ZNF804A: variants seen among roughly 807,000 people sequenced by gnomAD.
ZNF804A encodes zinc finger protein 804A.
Under a neutral mutation model 16.5 loss-of-function variants are expected in ZNF804A, and 2 were observed. The ratio of observed to expected loss-of-function variants is 0.12; its 90% CI spans 0.05 to 0.38. ZNF804A has a LOEUF of 0.38. Ranked by LOEUF, ZNF804A falls within the 10% of genes least tolerant of loss-of-function variation. The pLI is 0.99. For missense variants in ZNF804A, 1,473 were observed against 1,390.7 expected, an observed-to-expected ratio of 1.06 and a Z score of -0.94; for synonymous variants, 534 against 489.6, an observed-to-expected ratio of 1.09 and a Z score of -1.20.
At chr2:184,777,400 G>A (rs1223467017) in intron 1 of ZNF804A, among the ~76,000 whole-genome samples, 1 of 151,676 alleles carries the variant, frequency 6.6e-6, no homozygotes, top group East Asian at 1.9e-4. Flanking sequence ...TTCCAGATTA[G>A]TGACTTTTTT....
intron 1 of ZNF804A, among the ~76,000 whole-genome samples, chr2:184,704,083 A>G (rs1282476895): frequency 6.6e-6 from 1 of 152,154 alleles, no homozygotes; most frequent in Admixed American, 6.5e-5. Context: ...ATTATACCTG[A>G]TAAGTGAATC....
At chr2:184,632,553 G>C (rs1356218294) in intron 1 of ZNF804A, among the ~76,000 whole-genome samples, 1 of 152,022 alleles carries the variant, frequency 6.6e-6, no homozygotes, top group Admixed American at 6.6e-5. Flanking sequence ...GTGCCACCAC[G>C]CCTGGCTAAT....
At chr2:184,811,252 T>C (rs1180767509) in intron 1 of ZNF804A, among the ~76,000 whole-genome samples, 1 of 152,220 alleles carries the variant, frequency 6.6e-6, no homozygotes, top group Non-Finnish European at 1.5e-5. Flanking sequence ...AAACACCAGC[T>C]GTAGTGCATA....
At chr2:184,681,937 G>A (rs1034256057) in intron 1 of ZNF804A, among the ~76,000 whole-genome samples, 21 of 152,166 alleles carry the variant, frequency 1.4e-4, no homozygotes, top group South Asian at 4.1e-4. Context: ...ATCCAATTTC[G>A]GAGCACATAT....
chr2:184,845,612 C>A (rs548394668), intron 1 of ZNF804A, among the ~76,000 whole-genome samples: 1 of 152,158 alleles, frequency 6.6e-6, no homozygotes, highest in African/African-American at 2.4e-5. Flanking sequence ...CTATGGAAAA[C>A]CTTTACCTCT....
intron 1 of ZNF804A, among the ~76,000 whole-genome samples, chr2:184,788,076 C>T (rs973539204): frequency 6.6e-6 from 1 of 151,952 alleles, no homozygotes; most frequent in Non-Finnish European, 1.5e-5. Flanking sequence ...ATTTTCCCAA[C>T]ACCATTTATT....
At chr2:184,652,250 C>T (rs1691998047) in intron 1 of ZNF804A, among the ~76,000 whole-genome samples, 1 of 151,854 alleles carries the variant, frequency 6.6e-6, no homozygotes, top group Admixed American at 6.6e-5. Context: ...TACTCATGAA[C>T]ATAAAGATGG....
chr2:184,703,709 A>AAGAAAG (rs1553529081), intron 1 of ZNF804A, among the ~76,000 whole-genome samples: 6 of 131,352 alleles, frequency 4.6e-5, no homozygotes, highest in Non-Finnish European at 1.0e-4. Context: ...AAAAAAAAAA[A>AAGAAAG]AAAGAAAGAA....
chr2:184,744,072 A>G (rs1693748690), intron 1 of ZNF804A, among the ~76,000 whole-genome samples: 2 of 151,966 alleles, frequency 1.3e-5, no homozygotes, highest in African/African-American at 4.8e-5. Context: ...CCACTTGTTA[A>G]TGGGCACAAA....
intron 1 of ZNF804A, among the ~76,000 whole-genome samples, chr2:184,852,319 C>A (rs566158346): frequency 6.6e-6 from 1 of 151,320 alleles, no homozygotes; most frequent in South Asian, 2.1e-4. Context: ...GGTTGACCAT[C>A]AGTAACTGAA....
At chr2:184,893,843 G>A (rs1436228078) in intron 2 of ZNF804A, among the ~76,000 whole-genome samples, 1 of 152,074 alleles carries the variant, frequency 6.6e-6, no homozygotes, top group African/African-American at 2.4e-5. Flanking sequence ...CTTAGATATA[G>A]TTTCACTTTA....
chr2:184,651,853 T>C (rs1691989160), intron 1 of ZNF804A, among the ~76,000 whole-genome samples: 2 of 152,140 alleles, frequency 1.3e-5, no homozygotes, highest in Non-Finnish European at 2.9e-5. Context: ...GAATACAAAT[T>C]ATTTCAGCTT....
At chr2:184,607,581 G>T (rs1318450636) in intron 1 of ZNF804A, among the ~76,000 whole-genome samples, 1 of 151,790 alleles carries the variant, frequency 6.6e-6, no homozygotes, top group African/African-American at 2.4e-5. Flanking sequence ...CTCCCACCAG[G>T]TCCCCCCCTT....
intron 1 of ZNF804A, among the ~76,000 whole-genome samples, chr2:184,778,064 T>C (rs1024529260): frequency 2.0e-5 from 3 of 151,660 alleles, no homozygotes; most frequent in East Asian, 1.9e-4. Context: ...AGATTCTACA[T>C]TGGAATAAAA....
intron 2 of ZNF804A, among the ~76,000 whole-genome samples, chr2:184,878,566 A>T (rs1226807145): frequency 6.6e-6 from 1 of 152,074 alleles, no homozygotes; most frequent in Non-Finnish European, 1.5e-5. Context: ...AGGAGCAAGG[A>T]TCATAAATAA....
At chr2:184,705,544 C>A (rs1693012537) in intron 1 of ZNF804A, among the ~76,000 whole-genome samples, 2 of 152,184 alleles carry the variant, frequency 1.3e-5, no homozygotes, top group Middle Eastern at 3.4e-3. Context: ...ACAATTATAA[C>A]CTCAGTCATT....
intron 1 of ZNF804A, among the ~76,000 whole-genome samples, chr2:184,641,893 G>A (rs1027367752): frequency 5.9e-5 from 9 of 152,166 alleles, no homozygotes; most frequent in African/African-American, 2.2e-4. Context: ...TTGTATTAAT[G>A]TAAAATAGGT....
intron 1 of ZNF804A, among the ~76,000 whole-genome samples, chr2:184,642,657 C>A (rs76460518): frequency 6.6e-6 from 1 of 152,084 alleles, no homozygotes; most frequent in African/African-American, 2.4e-5. Context: ...CTGGCCAAGC[C>A]AAGTTTCATT....
At chr2:184,857,917 A>G (rs889482593) in intron 1 of ZNF804A, among the ~76,000 whole-genome samples, 1 of 152,046 alleles carries the variant, frequency 6.6e-6, no homozygotes, top group African/African-American at 2.4e-5. Context: ...CAGCCACTCT[A>G]TATTTTTGAT....
Sources: gnomAD v4.1 joint callset for allele counts (sites outside exome capture counted in the v4.1 genomes callset) on GRCh38, gnomAD v4.1.1 for gene constraint, MANE v1.5 for transcripts, NCBI Gene and HGNC (gene_info 2026-07-23, HGNC 2026-07-21) for gene names.